FANCA: variants seen among roughly 807,000 people sequenced by gnomAD.
The protein encoded by FANCA is Fanconi anemia group A protein.
A neutral mutation model predicts 194.3 loss-of-function variants in FANCA; 236 were observed. That is an observed-to-expected ratio of 1.21 (90% CI 1.09 to 1.35). The LOEUF (loss-of-function observed/expected upper bound fraction) is 1.35. Among genes scored for constraint, FANCA ranks in the 40% most tolerant of loss-of-function variants. The pLI is 0.00. For synonymous variants in FANCA, 1,014 were observed against 715.8 expected (o/e 1.42, Z -6.65); for missense variants, 2,628 against 1,813.9 (o/e 1.45, Z -8.15).
Position 89,770,147 on chromosome 16 carries a change from C to A in FANCA, c.2316+19G>T. 1 of 1,577,188 alleles carries A rather than the reference C, an allele frequency of 6.3e-7. No individual in the cohort carries two copies. The highest frequency in any genetic ancestry group is 8.6e-7 in the Non-Finnish European group (1 of 1,161,706). ...CAGAGTGGGCCCCCAAGGGTGGCCC[C>A]CATGAAGGAGAGCCTCACCTGGTGA... On this transcript the variant is annotated intron_variant, in intron 25 of 42. Coordinates refer to ENST00000389301, the MANE Select transcript of FANCA (RefSeq NM_000135.4).
At position 89,803,291 on chromosome 16, in the gene FANCA, T is replaced by C. The variant is rs770552398; in HGVS notation, c.760A>G (p.Arg254Gly). Residue 254 changes from arginine (R) to glycine (G), a missense_variant, in exon 8 of 43, where the codon AGA becomes GGA. By Grantham distance (125) the Arg-to-Gly change is moderately radical. Coordinates refer to ENST00000389301, the MANE Select transcript of FANCA (RefSeq NM_000135.4). ...LRGFQKNSDLRRTVEPEKMPQ... is the reference protein window; with the variant it reads ...LRGFQKNSDLGRTVEPEKMPQ... ...ATTTTTTCAGGCTCCACAGTTCTTC[T>C]CAGATCTGAGTTTTTCTGAAATCCC... 6.2e-7 allele frequency: 1 copy of C among 1,614,098 alleles called. No homozygotes were observed. The highest frequency in any genetic ancestry group is 8.5e-7 in the Non-Finnish European group (1 of 1,180,040).
At chr16:89,796,792 G>T (rs567159224) in intron 10 of FANCA, among the ~76,000 whole-genome samples, 2 of 152,320 alleles carry the variant, frequency 1.3e-5, no homozygotes, top group South Asian at 4.1e-4. Context: ...GGAGGCTGAG[G>T]CGGGCAGATC....
At chr16:89,788,448 AAACAT>A (rs1038244722) in intron 14 of FANCA, among the ~76,000 whole-genome samples, 8 of 150,874 alleles carry the variant, frequency 5.3e-5, no homozygotes, top group African/African-American at 1.7e-4. Context: ...AAACAAAACA[AAACAT>A]AACAAAAACA....
At chr16:89,762,576 A>AG (rs2038988577) in intron 28 of FANCA, 2 of 222,792 alleles carry the variant, frequency 9.0e-6, no homozygotes, top group Admixed American at 1.1e-4. Flanking sequence ...AAGGAAAAAA[A>AG]AAAAAAAGAA....
chr16:89,811,968 T>G (rs1021095979), intron 3 of FANCA, among the ~76,000 whole-genome samples: 2 of 150,638 alleles, frequency 1.3e-5, no homozygotes, highest in Non-Finnish European at 3.0e-5. Context: ...CCAACCTCAT[T>G]AATCCGCCCG....
At chr16:89,774,918 AC>A (rs369155542) in intron 21 of FANCA, among the ~76,000 whole-genome samples, 1 of 151,452 alleles carries the variant, frequency 6.6e-6, no homozygotes, top group Admixed American at 6.6e-5. Context: ...ACATGGCGAA[AC>A]CCCATCTCTA....
At chr16:89,758,734 T>G (rs760573923) in intron 29 of FANCA, 29 bp from the exon 30 acceptor site, 1 of 1,611,644 alleles carries the variant, frequency 6.2e-7, no homozygotes, top group Non-Finnish European at 8.5e-7. Flanking sequence ...CTATCAATTC[T>G]GAGAAATGCT....
chr16:89,791,306 C>T lies in FANCA; in HGVS notation c.1359+97G>A, dbSNP rs1196247686. On this transcript the variant is annotated intron_variant, in intron 14 of 42. Transcript: ENST00000389301. ...GCAAAGCTGACAGCAAGGTTGCTCACTCACATGACAGAGAATCAGGTGGGG... is the reference window on the plus strand; with the variant it reads ...GCAAAGCTGACAGCAAGGTTGCTCATTCACATGACAGAGAATCAGGTGGGG... The T allele has an allele frequency of 4.0e-6, 6 of 1,518,818 alleles. No individual in the cohort carries two copies. In the African/African-American group the frequency reaches 5.5e-5, roughly 14 times the overall value. The allele number at this position is 1,518,818 out of a possible 1,614,324, so 94.1% of individuals were successfully genotyped here.
At chr16:89,750,501 A>AAC (rs1555539125) in intron 31 of FANCA, among the ~76,000 whole-genome samples, 1 of 145,588 alleles carries the variant, frequency 6.9e-6, no homozygotes, top group East Asian at 2.2e-4. Flanking sequence ...ACAAACAAAA[A>AAC]AAAACAGCCA....
At chr16:89,753,947 G>A (rs779382720) in intron 30 of FANCA, among the ~76,000 whole-genome samples, 1 of 152,184 alleles carries the variant, frequency 6.6e-6, no homozygotes, top group Non-Finnish European at 1.5e-5. Flanking sequence ...CCCACCTATT[G>A]GGAGGCTGAG....
At chr16:89,791,635 G>A (rs1278541048) in intron 13 of FANCA, 99 bp from the exon 14 acceptor site, 2 of 1,516,628 alleles carry the variant, frequency 1.3e-6, no homozygotes, top group African/African-American at 1.4e-5. Flanking sequence ...GAAGGAGACT[G>A]TGCACACCCA....
At position 89,809,163 on chromosome 16, in the gene FANCA, C is replaced by T. The variant is rs146156398; in HGVS notation, c.523-796G>A. On this transcript the variant is annotated intron_variant, in intron 5 of 42. Transcript: ENST00000389301. ...CCTCATGATCCACCTGCCTCGGCCT[C>T]CCAAAGTGCTGGGATTACAGGTGTG... 1.5e-3 allele frequency among the ~76,000 whole-genome samples: 234 copies of T among 152,078 alleles called. 2 individuals carry two copies. The highest frequency in any genetic ancestry group is 5.3e-3 in the African/African-American group (219 of 41,516).
chr16:89,782,638 A>T (rs1274937826), intron 17 of FANCA, among the ~76,000 whole-genome samples: 1 of 152,014 alleles, frequency 6.6e-6, no homozygotes, highest in Non-Finnish European at 1.5e-5. Context: ...GAGGCACTTC[A>T]CTCTGCCACA....
chr16:89,771,054 AC>A (rs1374460811), intron 23 of FANCA, among the ~76,000 whole-genome samples: 1 of 151,506 alleles, frequency 6.6e-6, no homozygotes, highest in Non-Finnish European at 1.5e-5. Flanking sequence ...AATCCCAGCT[AC>A]CCAGGAAGCT....
intron 14 of FANCA, chr16:89,791,046 TTTG>T: frequency 4.0e-5 from 7 of 173,224 alleles, no homozygotes; most frequent in South Asian, 2.8e-4. Flanking sequence ...TTTTTTTTTT[TTTG>T]GTGGAGATGA....
chr16:89,767,974 C>T (rs1384043097), intron 26 of FANCA, among the ~76,000 whole-genome samples: 3 of 152,210 alleles, frequency 2.0e-5, no homozygotes, highest in Admixed American at 6.5e-5. Context: ...CGTTAGCCAC[C>T]GTGCCTGGCC....
chr16:89,761,704 A>T lies in FANCA; in HGVS notation c.2852+245T>A, dbSNP rs973939180. On this transcript the variant is annotated intron_variant, in intron 29 of 42. Coordinates refer to ENST00000389301, the MANE Select transcript of FANCA (RefSeq NM_000135.4). Reference sequence around the variant, plus strand: ...CAGTGGTGTGATCTCAGCTCGCTGCAGCCTCTACCTCCCAGGCTCAAGCAA... The same window carrying T: ...CAGTGGTGTGATCTCAGCTCGCTGCTGCCTCTACCTCCCAGGCTCAAGCAA... Among the ~76,000 whole-genome samples the T allele has an allele frequency of 2.6e-5, 4 of 152,142 alleles. No individual in the cohort carries two copies. In the East Asian group the frequency reaches 7.7e-4, roughly 29 times the overall value.
At chr16:89,808,399 A>C (rs1357257875) in intron 5 of FANCA, 32 bp from the exon 6 acceptor site, 1 of 1,607,052 alleles carries the variant, frequency 6.2e-7, no homozygotes, top group Admixed American at 1.7e-5. Context: ...ACAAAAACAA[A>C]AACAAAAAAA....
intron 9 of FANCA, 57 bp from the exon 10 acceptor site, chr16:89,799,289 G>A (rs141889794): frequency 6.2e-7 from 1 of 1,603,514 alleles, no homozygotes; most frequent in African/African-American, 1.3e-5. Flanking sequence ...CAGCCCACCA[G>A]AAACAATCCC....
Sources: gnomAD v4.1 joint callset for allele counts (sites outside exome capture counted in the v4.1 genomes callset) on GRCh38, gnomAD v4.1.1 for gene constraint, MANE v1.5 for transcripts, NCBI Gene and HGNC (gene_info 2026-07-23, HGNC 2026-07-21) for gene names.